Variants in GMDS observed in about 807,000 individuals in gnomAD.
The protein encoded by GMDS is GDP-mannose 4,6 dehydratase.
In GMDS, 20 loss-of-function variants were observed where a neutral mutation model predicts 49.9. The ratio of observed to expected loss-of-function variants is 0.40; its 90% CI spans 0.28 to 0.58. The LOEUF (loss-of-function observed/expected upper bound fraction) is 0.58, where lower values mean the gene tolerates loss of function less well. Ranked by LOEUF, GMDS falls within the 20% of genes least tolerant of loss-of-function variation. GMDS has a pLI of 0.42. For synonymous variants in GMDS, 177 were observed against 178.6 expected (o/e 0.99, Z 0.07); for missense variants, 362 against 481.4 (o/e 0.75, Z 2.32).
chr6:2,157,095 T>C (rs1432254524), intron 1 of GMDS, among the ~76,000 whole-genome samples: 1 of 152,236 alleles, frequency 6.6e-6, no homozygotes, highest in Non-Finnish European at 1.5e-5. Flanking sequence ...AAAAACTCCA[T>C]TTATAACTGT....
chr6:2,075,351 A>T (rs1236360020), intron 4 of GMDS, among the ~76,000 whole-genome samples: 1 of 151,986 alleles, frequency 6.6e-6, no homozygotes, highest in Non-Finnish European at 1.5e-5. Flanking sequence ...TACATGTGCC[A>T]TGTTGGTGTG....
intron 9 of GMDS, among the ~76,000 whole-genome samples, chr6:1,662,033 C>T (rs943917814): frequency 3.3e-5 from 5 of 152,000 alleles, no homozygotes; most frequent in Admixed American, 6.6e-5. Flanking sequence ...AATGGCGACT[C>T]GCCTTGGCTC....
intron 1 of GMDS, among the ~76,000 whole-genome samples, chr6:2,231,791 G>C (rs942753866): frequency 6.6e-6 from 1 of 152,094 alleles, no homozygotes; most frequent in African/African-American, 2.4e-5. Flanking sequence ...ATGAGATAAC[G>C]TGTGTCCTAC....
chr6:1,893,953 G>C (rs192208423), intron 7 of GMDS, among the ~76,000 whole-genome samples: 2 of 152,326 alleles, frequency 1.3e-5, no homozygotes, highest in African/African-American at 4.8e-5. Flanking sequence ...AAAGAGCCTG[G>C]AGGGGCTGAG....
At chr6:1,786,479 G>C (rs1769325331) in intron 7 of GMDS, among the ~76,000 whole-genome samples, 1 of 152,264 alleles carries the variant, frequency 6.6e-6, no homozygotes, top group Non-Finnish European at 1.5e-5. Flanking sequence ...GCCTGAGCAA[G>C]CATAGCAGAG....
intron 9 of GMDS, among the ~76,000 whole-genome samples, chr6:1,641,132 G>A (rs939116945): frequency 4.6e-5 from 7 of 152,340 alleles, no homozygotes; most frequent in Admixed American, 2.0e-4. Flanking sequence ...TGGGGAAACT[G>A]GTGGCTACTC....
intron 7 of GMDS, among the ~76,000 whole-genome samples, chr6:1,754,788 T>C (rs1767876802): frequency 6.6e-6 from 1 of 152,162 alleles, no homozygotes; most frequent in Non-Finnish European, 1.5e-5. Context: ...CACATGATTA[T>C]CTCAACAGAT....
intron 7 of GMDS, among the ~76,000 whole-genome samples, chr6:1,809,057 T>G (rs931690977): frequency 1.3e-5 from 2 of 152,238 alleles, no homozygotes; most frequent in Non-Finnish European, 2.9e-5. Context: ...ATCAATACTT[T>G]CCATGAACAC....
intron 4 of GMDS, among the ~76,000 whole-genome samples, chr6:2,090,592 T>C (rs1773262542): frequency 6.6e-6 from 1 of 152,224 alleles, no homozygotes; most frequent in African/African-American, 2.4e-5. Flanking sequence ...AATTGCTTTC[T>C]AGGATTCCAA....
chr6:2,134,711 T>C (rs1324728549), intron 1 of GMDS, among the ~76,000 whole-genome samples: 2 of 152,216 alleles, frequency 1.3e-5, no homozygotes, highest in African/African-American at 4.8e-5. Flanking sequence ...TCTTGGCTAT[T>C]TGACAGTAGA....
intron 4 of GMDS, among the ~76,000 whole-genome samples, chr6:2,111,268 A>C (rs1253488119): frequency 6.6e-6 from 1 of 152,238 alleles, no homozygotes. Flanking sequence ...AATGGGCAGG[A>C]CTACGCATTG....
intron 7 of GMDS, among the ~76,000 whole-genome samples, chr6:1,863,273 A>G (rs1293871641): frequency 1.3e-5 from 2 of 152,168 alleles, no homozygotes; most frequent in Non-Finnish European, 2.9e-5. Context: ...AACCCACCAT[A>G]GGAAAAATTC....
At chr6:1,634,603 C>A (rs746425910) in intron 9 of GMDS, among the ~76,000 whole-genome samples, 1 of 152,202 alleles carries the variant, frequency 6.6e-6, no homozygotes. Context: ...TGAACTCCAT[C>A]CTTTACCGGC....
intron 8 of GMDS, among the ~76,000 whole-genome samples, chr6:1,731,772 A>G (rs776355010): frequency 6.6e-6 from 1 of 152,232 alleles, no homozygotes; most frequent in Non-Finnish European, 1.5e-5. Flanking sequence ...ATAGCAGCTA[A>G]GAGAGCCCCC....
chr6:2,063,596 A>T (rs1055745737), intron 4 of GMDS, among the ~76,000 whole-genome samples: 8 of 152,276 alleles, frequency 5.3e-5, no homozygotes, highest in Non-Finnish European at 8.8e-5. Flanking sequence ...AACTGCTAAC[A>T]CTACAGTTAA....
rs1001382716 is a variant in GMDS at position 1,626,883 on chromosome 6, C to T, written c.988-2343G>A. ...AAAATGTTTTTCAAAGGCTTAGAAA[C>T]AGACCTTGCTACCATACACTGTAAA... On this transcript the variant is annotated intron_variant, in intron 9 of 10. Transcript: ENST00000380815. Among the ~76,000 whole-genome samples, 5 of 152,344 alleles carry T rather than the reference C, an allele frequency of 3.3e-5. No homozygotes were observed. The East Asian group carries it at 9.6e-4, about 29-fold the overall frequency.
intron 1 of GMDS, among the ~76,000 whole-genome samples, chr6:2,132,437 G>C (rs934410563): frequency 6.6e-6 from 1 of 152,126 alleles, no homozygotes; most frequent in African/African-American, 2.4e-5. Flanking sequence ...GCATTTCCTG[G>C]TCTAGATAGG....
chr6:2,060,743 A>G (rs1239941703), intron 4 of GMDS, among the ~76,000 whole-genome samples: 2 of 152,166 alleles, frequency 1.3e-5, no homozygotes, highest in African/African-American at 4.8e-5. Flanking sequence ...AAAAAGAAAG[A>G]AGGGGGCCGG....
At position 2,191,309 on chromosome 6, in the gene GMDS, C is replaced by T. The variant is rs183835606; in HGVS notation, c.102+54012G>A. 1.8e-3 allele frequency among the ~76,000 whole-genome samples: 274 copies of T among 152,216 alleles called. 3 individuals are homozygous for T. The highest frequency in any genetic ancestry group is 6.1e-3 in the African/African-American group (252 of 41,564). ...TCTAGGCTGCCCCTGAGTGCGGGGG[C>T]CACGGGGGAGCTCACAGTGATGTCC... On this transcript the variant is annotated intron_variant, in intron 1 of 10. Coordinates refer to ENST00000380815, the MANE Select transcript of GMDS (RefSeq NM_001500.4). This position sits in a 1 kb window ranked among gnomAD's most constrained non-coding sequence, Gnocchi z 4.6.
Sources: allele counts gnomAD v4.1 joint callset (sites outside exome capture counted in the v4.1 genomes callset), GRCh38; gene constraint gnomAD v4.1.1; non-coding constraint Gnocchi (gnomAD v3.1); transcripts MANE v1.5; gene names NCBI Gene and HGNC (gene_info 2026-07-23, HGNC 2026-07-21).